The following RAD54B variants were observed in gnomAD, a reference collection of about 807,000 sequenced individuals.
RAD54B encodes the protein DNA repair and recombination protein RAD54B.
A neutral mutation model predicts 95.8 loss-of-function variants in RAD54B; 78 were observed. The ratio of observed to expected loss-of-function variants is 0.81; its 90% CI spans 0.68 to 0.98. RAD54B has a LOEUF of 0.98. RAD54B is among the 50% of genes least tolerant of loss of function. RAD54B has a pLI of 0.00. For synonymous variants in RAD54B, 328 were observed against 354.9 expected (o/e 0.92, Z 0.85); for missense variants, 957 against 1,056.6 (o/e 0.91, Z 1.31).
At chr8:94,432,041 C>T (rs1360271327) in intron 3 of RAD54B, 2 of 1,398,224 alleles carry the variant, frequency 1.4e-6, no homozygotes, top group African/African-American at 1.5e-5. Context: ...CAACATTTTT[C>T]AAGAACGTGT....
intron 3 of RAD54B, among the ~76,000 whole-genome samples, chr8:94,437,598 A>G (rs758543544): frequency 3.3e-5 from 5 of 152,228 alleles, no homozygotes; most frequent in Non-Finnish European, 7.3e-5. Context: ...CAATCTAAAA[A>G]GCAGGTAAAA....
At chr8:94,418,866 T>G (rs1188873483) in intron 3 of RAD54B, among the ~76,000 whole-genome samples, 1 of 152,228 alleles carries the variant, frequency 6.6e-6, no homozygotes, top group Non-Finnish European at 1.5e-5. Context: ...TAGCTTTGAC[T>G]ATCATAAAGC....
chr8:94,397,632 T>G (rs1372685542), intron 8 of RAD54B, among the ~76,000 whole-genome samples: 3 of 152,148 alleles, frequency 2.0e-5, no homozygotes, highest in Non-Finnish European at 4.4e-5. Flanking sequence ...AAATTATATA[T>G]TTTTGCTACA....
chr8:94,453,653 GA>G (rs201184382), intron 3 of RAD54B, among the ~76,000 whole-genome samples: 1,983 of 152,022 alleles, frequency 0.013, 48 homozygotes, highest in African/African-American at 0.046. Context: ...TTTAGATGGA[GA>G]AAAAAATATA....
chr8:94,421,382 TG>T (rs1811804323), intron 3 of RAD54B, among the ~76,000 whole-genome samples: 1 of 152,208 alleles, frequency 6.6e-6, no homozygotes, highest in Non-Finnish European at 1.5e-5. Flanking sequence ...TTTTATCTAT[TG>T]GAGTTCTTCA....
chr8:94,439,665 G>A (rs1434306380), intron 3 of RAD54B, among the ~76,000 whole-genome samples: 2 of 151,518 alleles, frequency 1.3e-5, no homozygotes, highest in Non-Finnish European at 2.9e-5. Flanking sequence ...TCAGAAAAGC[G>A]GGACAACTCA....
chr8:94,458,324 C>T lies in RAD54B; in HGVS notation c.248G>A (p.Ser83Asn). ...TREINNRDNC[S>N]GKYCFEAPTL... ...AGGTGCTTCAAAACAATATTTTCCA[C>T]TGCAATTATCTCTGTTATTGATTTC... Residue 83 changes from serine to asparagine, a missense_variant, in exon 3 of 15, where the codon AGT (serine) becomes AAT (asparagine). Coordinates refer to ENST00000336148, the MANE Select transcript of RAD54B (RefSeq NM_012415.3). 6.2e-7 allele frequency: 1 copy of T among 1,610,408 alleles called. No homozygotes were observed. The highest frequency in any genetic ancestry group is 1.1e-5 in the South Asian group (1 of 89,886).
chr8:94,408,284 T>C (rs1811442902), intron 4 of RAD54B, among the ~76,000 whole-genome samples: 1 of 152,188 alleles, frequency 6.6e-6, no homozygotes, highest in Non-Finnish European at 1.5e-5. Flanking sequence ...TTATTATTAA[T>C]TTGATGAACA....
intron 3 of RAD54B, among the ~76,000 whole-genome samples, chr8:94,434,906 TG>T (rs1812214190): frequency 2.0e-5 from 3 of 151,514 alleles, no homozygotes; most frequent in African/African-American, 7.3e-5. Flanking sequence ...GTGTGAATAT[TG>T]TAAATATTCA....
chr8:94,432,747 T>C, intron 3 of RAD54B: 4 of 1,348,914 alleles, frequency 3.0e-6, no homozygotes, highest in Non-Finnish European at 3.8e-6. Flanking sequence ...GTACATTAAA[T>C]GATAAAGCTT....
At chr8:94,441,731 ACT>A (rs1299336962) in intron 3 of RAD54B, among the ~76,000 whole-genome samples, 2 of 152,074 alleles carry the variant, frequency 1.3e-5, no homozygotes, top group Non-Finnish European at 2.9e-5. Context: ...GAACGTTCCA[ACT>A]CTCTAATGGT....
At chr8:94,383,156 C>G (rs1050978597) in intron 11 of RAD54B, among the ~76,000 whole-genome samples, 3 of 151,640 alleles carry the variant, frequency 2.0e-5, no homozygotes, top group Non-Finnish European at 4.4e-5. Context: ...AAATTAGCAT[C>G]CCCCTGTAAT....
At chr8:94,390,464 C>T (rs974349670) in intron 10 of RAD54B, among the ~76,000 whole-genome samples, 2 of 150,948 alleles carry the variant, frequency 1.3e-5, no homozygotes, top group African/African-American at 4.8e-5. Context: ...CATGCCATTG[C>T]ACTCCAGCCT....
intron 2 of RAD54B, among the ~76,000 whole-genome samples, chr8:94,463,893 CA>C (rs553168595): frequency 0.16 from 14,810 of 90,922 alleles, 1,304 homozygotes; most frequent in African/African-American, 0.38. Flanking sequence ...GACCCTATCT[CA>C]AAAAAAAAAA....
intron 3 of RAD54B, among the ~76,000 whole-genome samples, chr8:94,439,382 A>G (rs2130129994): frequency 6.6e-6 from 1 of 152,366 alleles, no homozygotes; most frequent in African/African-American, 2.4e-5. Context: ...CAATACATCC[A>G]TATCATGGTC....
chr8:94,422,177 T>C (rs550612393), intron 3 of RAD54B, among the ~76,000 whole-genome samples: 10 of 152,322 alleles, frequency 6.6e-5, no homozygotes, highest in Middle Eastern at 3.4e-3. Flanking sequence ...TATAAAGTCC[T>C]GAGAGTATGT....
At chr8:94,452,350 T>A (rs771666766) in intron 3 of RAD54B, among the ~76,000 whole-genome samples, 3 of 152,236 alleles carry the variant, frequency 2.0e-5, no homozygotes, top group Non-Finnish European at 4.4e-5. Flanking sequence ...TAGCAGCCTG[T>A]CCTTGTTTAG....
chr8:94,431,094 T>C, intron 3 of RAD54B: 2 of 982,772 alleles, frequency 2.0e-6, no homozygotes, highest in Non-Finnish European at 2.4e-6. Flanking sequence ...AAAATAGAAA[T>C]TCTTAAGTAA....
At chr8:94,393,948 A>G (rs1811083442) in intron 8 of RAD54B, 66 bp from the exon 9 acceptor site, 3 of 1,374,896 alleles carry the variant, frequency 2.2e-6, no homozygotes, top group South Asian at 1.5e-5. Flanking sequence ...TCAGGTTTAT[A>G]GCAAAACCAC....
Sources: allele counts gnomAD v4.1 joint callset (sites outside exome capture counted in the v4.1 genomes callset), GRCh38; gene constraint gnomAD v4.1.1; transcripts MANE v1.5; gene names NCBI Gene and HGNC (gene_info 2026-07-23, HGNC 2026-07-21).